LMBR1: variants seen among roughly 807,000 people sequenced by gnomAD.
LMBR1 encodes the protein limb region 1 protein homolog.
A neutral mutation model predicts 73.9 loss-of-function variants in LMBR1; 52 were observed. That is an observed-to-expected ratio of 0.70 (90% CI 0.56 to 0.89). LMBR1 has a LOEUF of 0.89. Among genes scored for constraint, LMBR1 ranks in the 40% least tolerant of loss-of-function variants. LMBR1 has a pLI of 0.00. For synonymous variants in LMBR1, 215 were observed against 209.4 expected (o/e 1.03, Z -0.23); for missense variants, 539 against 579.8 (o/e 0.93, Z 0.72).
At chr7:156,862,500 A>G (rs1452032536) in intron 1 of LMBR1, among the ~76,000 whole-genome samples, 1 of 152,166 alleles carries the variant, frequency 6.6e-6, no homozygotes, top group Non-Finnish European at 1.5e-5. Flanking sequence ...AACATAGAAA[A>G]AAAAAAAAAC....
At chr7:156,676,396 T>C (rs1804049317), downstream of LMBR1, 2 of 1,614,008 alleles carry the variant, frequency 1.2e-6, no homozygotes, top group African/African-American at 2.7e-5. Flanking sequence ...CCGCGTGGCC[T>C]CTTCCCGTCC....
intron 5 of LMBR1, among the ~76,000 whole-genome samples, chr7:156,793,328 A>G (rs1369431278): frequency 6.6e-6 from 1 of 152,184 alleles, no homozygotes; most frequent in East Asian, 1.9e-4. Context: ...ACGACACAAT[A>G]TTAGTAACCT....
chr7:156,712,283 G>A (rs1339078533), intron 15 of LMBR1, among the ~76,000 whole-genome samples: 1 of 152,056 alleles, frequency 6.6e-6, no homozygotes, highest in Non-Finnish European at 1.5e-5. Flanking sequence ...ACTAATCAGA[G>A]AAATGCAAAT....
At chr7:156,862,881 G>A (rs967345743) in intron 1 of LMBR1, among the ~76,000 whole-genome samples, 11 of 152,224 alleles carry the variant, frequency 7.2e-5, no homozygotes, top group East Asian at 1.9e-4. Context: ...CAGCTCTTCC[G>A]GGGCCTTGAG....
At chr7:156,794,147 T>C (rs977247926) in intron 5 of LMBR1, among the ~76,000 whole-genome samples, 1 of 152,226 alleles carries the variant, frequency 6.6e-6, no homozygotes, top group Non-Finnish European at 1.5e-5. Context: ...GGATTCATAG[T>C]TGCCTGTATC....
At chr7:156,752,112 T>C (rs1356094783) in intron 9 of LMBR1, among the ~76,000 whole-genome samples, 2 of 152,112 alleles carry the variant, frequency 1.3e-5, no homozygotes, top group Non-Finnish European at 2.9e-5. Flanking sequence ...GAAAGTATGG[T>C]GAACTGAAAA....
chr7:156,720,106 G>A (rs559188905), intron 15 of LMBR1, among the ~76,000 whole-genome samples: 1,544 of 151,432 alleles, frequency 0.01, 21 homozygotes, highest in African/African-American at 0.035. Flanking sequence ...TTGACAAATG[G>A]GATCTAATTA....
intron 5 of LMBR1, among the ~76,000 whole-genome samples, chr7:156,787,121 G>A (rs1563358437): frequency 6.6e-6 from 1 of 152,088 alleles, no homozygotes; most frequent in Non-Finnish European, 1.5e-5. Context: ...GGCAAGGTGT[G>A]CGCATGCTTT....
intron 15 of LMBR1, among the ~76,000 whole-genome samples, chr7:156,720,636 T>C (rs1282121923): frequency 6.6e-6 from 1 of 151,918 alleles, no homozygotes; most frequent in Non-Finnish European, 1.5e-5. Context: ...AGTTAATTAC[T>C]ATAAGTTAAT....
chr7:156,856,322 GT>G lies in LMBR1; in HGVS notation c.67-19438del, dbSNP rs567274591. 9.2e-5 allele frequency among the ~76,000 whole-genome samples: 14 copies of G among 151,496 alleles called. No homozygotes were observed. The South Asian group carries it at 2.9e-3, about 32-fold the overall frequency. ...TAGCAAGAATTTTTTTTCTTTTTTT[GT>G]TTTTACTGGAGGCACAGGTGGCTTA... On this transcript the variant is annotated intron_variant, in intron 1 of 16. Transcript: ENST00000353442.
At chr7:156,819,430 T>C (rs1467316953) in intron 4 of LMBR1, among the ~76,000 whole-genome samples, 1 of 152,190 alleles carries the variant, frequency 6.6e-6, no homozygotes, top group African/African-American at 2.4e-5. Context: ...CAAATTCACT[T>C]TTGCCAAAAT....
Position 156,892,851 on chromosome 7 carries a change from A to ACCCGGGGGC in LMBR1, c.66+76_66+77insGCCCCCGGG, listed in dbSNP as rs200101319. 1.3e-5 allele frequency: 14 copies of ACCCGGGGGC among 1,059,120 alleles called. No individual in the cohort carries two copies. In the East Asian group the frequency reaches 4.9e-4, roughly 37 times the overall value. The allele number at this position is 1,059,120 out of a possible 1,614,324, so 65.6% of individuals were successfully genotyped here. A position where few individuals can be genotyped will look rare whatever the true frequency, so the allele number is the denominator to read the frequency against. On this transcript the variant is annotated intron_variant, in intron 1 of 16. Coordinates refer to ENST00000353442, the MANE Select transcript of LMBR1 (RefSeq NM_022458.4). ...AGGCCCGGAGGTGAGGGGTCCGGGGACCGGGGGCCCGGGGGCGGGGACGGA... is the reference window on the plus strand; with the variant it reads ...AGGCCCGGAGGTGAGGGGTCCGGGGACCCGGGGGCCCGGGGGCCCGGGGGCGGGGACGGA...
intron 15 of LMBR1, among the ~76,000 whole-genome samples, chr7:156,696,882 A>G (rs922145023): frequency 6.6e-6 from 1 of 152,226 alleles, no homozygotes; most frequent in African/African-American, 2.4e-5. Context: ...TTAACTCAAA[A>G]GTCCACAGTC....
intron 1 of LMBR1, among the ~76,000 whole-genome samples, chr7:156,863,807 G>C (rs186856722): frequency 6.6e-6 from 1 of 152,208 alleles, no homozygotes; most frequent in Non-Finnish European, 1.5e-5. Flanking sequence ...TAATAAGGCA[G>C]GAGCTTTTTA....
At chr7:156,725,203 T>C (rs766074008) in intron 14 of LMBR1, among the ~76,000 whole-genome samples, 3 of 152,188 alleles carry the variant, frequency 2.0e-5, no homozygotes, top group Non-Finnish European at 2.9e-5. Flanking sequence ...CTATAGCTAG[T>C]TAACAAGCTC....
intron 5 of LMBR1, among the ~76,000 whole-genome samples, chr7:156,780,380 G>C (rs931111255): frequency 1.3e-5 from 2 of 152,066 alleles, no homozygotes; most frequent in African/African-American, 4.8e-5. Context: ...AATTCCCCAT[G>C]ATATTAGACA....
At chr7:156,856,172 G>T (rs1193852955) in intron 1 of LMBR1, among the ~76,000 whole-genome samples, 1 of 152,088 alleles carries the variant, frequency 6.6e-6, no homozygotes, top group Non-Finnish European at 1.5e-5. Context: ...TCCAGCCAGG[G>T]CGACAGAGCA....
intron 1 of LMBR1, among the ~76,000 whole-genome samples, chr7:156,880,303 T>C (rs886087789): frequency 2.1e-4 from 32 of 152,060 alleles, no homozygotes; most frequent in African/African-American, 7.7e-4. Context: ...GCTACGATGA[T>C]GCAAAGGCAT....
chr7:156,711,765 C>T (rs1812127343), intron 15 of LMBR1, among the ~76,000 whole-genome samples: 1 of 152,010 alleles, frequency 6.6e-6, no homozygotes, highest in African/African-American at 2.4e-5. Flanking sequence ...ATACCCTTTT[C>T]AATAAAAGGT....
Sources: allele counts gnomAD v4.1 joint callset (sites outside exome capture counted in the v4.1 genomes callset), GRCh38; gene constraint gnomAD v4.1.1; transcripts MANE v1.5; gene names NCBI Gene and HGNC (gene_info 2026-07-23, HGNC 2026-07-21).